NUMB: variants seen among roughly 807,000 people sequenced by gnomAD.
NUMB encodes NUMB endocytic adaptor protein.
In NUMB, 29 loss-of-function variants were observed where a neutral mutation model predicts 59.7. The ratio of observed to expected loss-of-function variants is 0.49; its 90% CI spans 0.36 to 0.66. The LOEUF is 0.66. Ranked by LOEUF, NUMB falls within the 30% of genes least tolerant of loss-of-function variation. NUMB has a pLI of 0.00. For missense variants in NUMB, 723 were observed against 822.0 expected, an observed-to-expected ratio of 0.88 and a Z score of 1.47; for synonymous variants, 288 against 288.2, an observed-to-expected ratio of 1.00 and a Z score of 0.01.
In NUMB at chr14:73,287,337, C is replaced by T. The variant is rs1243644354; in HGVS notation, c.451-23G>A. ...ACCCTGTAAGAGCAGATTTTAAAAG[C>T]TTTTCAGAATTACACTACTAACAAT... is the stretch of plus-strand genomic sequence containing the variant. On this transcript the variant is annotated intron_variant, in intron 8 of 12. Coordinates refer to ENST00000555238, the MANE Select transcript of NUMB (RefSeq NM_001005743.2). The T allele has an allele frequency of 2.5e-6, 4 of 1,578,934 alleles. No homozygotes were observed. In the African/African-American group the frequency reaches 5.4e-5, roughly 21 times the overall value.
At chr14:73,346,521 T>C (rs867059875) in intron 4 of NUMB, among the ~76,000 whole-genome samples, 27 of 152,012 alleles carry the variant, frequency 1.8e-4, no homozygotes, top group South Asian at 6.2e-4. Context: ...TACCAGCAGA[T>C]AGAATTGCAA....
At chr14:73,280,293 GTAT>G (rs1249579571) in intron 11 of NUMB, among the ~76,000 whole-genome samples, 1 of 152,036 alleles carries the variant, frequency 6.6e-6, no homozygotes, top group Non-Finnish European at 1.5e-5. Context: ...TACGAGTCTG[GTAT>G]TATCCCCCTA....
rs1566756193 is a variant in NUMB at position 73,352,499 on chromosome 14, TATATATATATATATATATATATATATATA to T, written c.126+3098_126+3126del. Among the ~76,000 whole-genome samples the T allele has an allele frequency of 4.0e-3, 47 of 11,612 alleles. 4 individuals are homozygous for T. The highest frequency in any genetic ancestry group is 4.4e-3 in the African/African-American group (8 of 1,800). The allele number at this position is 11,612 out of a possible 152,430, so 7.6% of individuals were successfully genotyped here. On this transcript the variant is annotated intron_variant, in intron 4 of 12. Coordinates refer to ENST00000555238, the MANE Select transcript of NUMB (RefSeq NM_001005743.2). The stretch of plus-strand genomic sequence containing the variant: ...ACACATATATATATATATATATATA[TATATATATATATATATATATATATATATA>T]TGTTTTTTTTTTTTTTTTTTTTTTG...
At position 73,276,695 on chromosome 14, in the gene NUMB, C is replaced by T. The variant is rs1443048294; in HGVS notation, c.1839G>A (p.Val613=). ...HTEVPTGTCP[V]DPFEAQWAAL... Reference sequence around the variant, plus strand: ...CAGCCCACTGGGCTTCAAAAGGATCCACTGGGCAGGTGCCTGTAGGAACCT... The same window carrying T: ...CAGCCCACTGGGCTTCAAAAGGATCTACTGGGCAGGTGCCTGTAGGAACCT... The change falls in exon 13 of 13, where the codon GTG becomes GTA. Residue 613 remains valine, a synonymous_variant. Coordinates refer to ENST00000555238, the MANE Select transcript of NUMB (RefSeq NM_001005743.2). 1 of 1,614,210 alleles carries T rather than the reference C, an allele frequency of 6.2e-7. No individual in the cohort carries two copies. The highest frequency in any genetic ancestry group is 1.7e-5 in the Admixed American group (1 of 60,028).
rs567631014 is a variant in NUMB at position 73,385,374 on chromosome 14, C to G, written c.-100-18393G>C. Among the ~76,000 whole-genome samples the G allele has an allele frequency of 9.5e-4, 141 of 147,668 alleles. 1 individual carries two copies. The Admixed American group carries it at 9.6e-3, about 10-fold the overall frequency. On this transcript the variant is annotated intron_variant, in intron 2 of 12. Transcript: ENST00000555238. Reference sequence around the variant, plus strand: ...TGTTGCCCAAGCTGATCTCAAACTCCTGGGCTCAAGTGATCCTCCTGCCTC... The same window carrying G: ...TGTTGCCCAAGCTGATCTCAAACTCGTGGGCTCAAGTGATCCTCCTGCCTC...
At chr14:73,326,773 A>C (rs1891684753) in intron 4 of NUMB, among the ~76,000 whole-genome samples, 1 of 152,230 alleles carries the variant, frequency 6.6e-6, no homozygotes, top group South Asian at 2.1e-4. Context: ...ACATTTACTG[A>C]TTACCTACTG....
chr14:73,450,713 T>TGATA lies in NUMB; in HGVS notation c.-233+7776_-233+7779dup, dbSNP rs533892297. 9.2e-4 allele frequency among the ~76,000 whole-genome samples: 140 copies of TGATA among 151,976 alleles called. 2 individuals carry two copies. The highest frequency in any genetic ancestry group is 3.2e-3 in the African/African-American group (134 of 41,434). On this transcript the variant is annotated intron_variant, in intron 1 of 12. Coordinates refer to ENST00000555238, the MANE Select transcript of NUMB (RefSeq NM_001005743.2). ...GGAAGGCAGGATAATCGCTTGAACC[T>TGATA]GATAGGCGGAGGTTGCAGTGAGCCG...
At chr14:73,282,027 G>C (rs1477883537) in intron 11 of NUMB, among the ~76,000 whole-genome samples, 2 of 152,196 alleles carry the variant, frequency 1.3e-5, no homozygotes, top group African/African-American at 4.8e-5. Context: ...AACCAATTCT[G>C]ATGACTACTG....
chr14:73,284,395 G>A (rs1441729960), intron 9 of NUMB, 21 bp from the exon 10 acceptor site: 3 of 1,598,452 alleles, frequency 1.9e-6, no homozygotes, highest in Non-Finnish European at 1.7e-6. Flanking sequence ...TAAAGAGAAT[G>A]AAGACCTTAG....
chr14:73,422,715 A>G (rs756833529), intron 1 of NUMB, among the ~76,000 whole-genome samples: 48 of 151,970 alleles, frequency 3.2e-4, no homozygotes, highest in Non-Finnish European at 4.7e-4. Flanking sequence ...CTTCCAAACA[A>G]CCACATCTCA....
At chr14:73,403,053 A>G (rs1414261973) in intron 2 of NUMB, among the ~76,000 whole-genome samples, 1 of 152,218 alleles carries the variant, frequency 6.6e-6, no homozygotes, top group African/African-American at 2.4e-5. Context: ...CCAAAAGACG[A>G]AAACAGCTGG....
chr14:73,350,530 C>T (rs980395625), intron 4 of NUMB, among the ~76,000 whole-genome samples: 2 of 151,630 alleles, frequency 1.3e-5, no homozygotes, highest in Non-Finnish European at 2.9e-5. Flanking sequence ...TCTCCAATTT[C>T]TATTACCTTT....
chr14:73,334,328 ATTG>A (rs1314820693), intron 4 of NUMB, among the ~76,000 whole-genome samples: 1 of 152,000 alleles, frequency 6.6e-6, no homozygotes, highest in Non-Finnish European at 1.5e-5. Flanking sequence ...GAACTGCTCT[ATTG>A]TTTTCTTTTT....
In NUMB at chr14:73,304,849, C is replaced by T. The variant is rs774369481; in HGVS notation, c.235-7564G>A. Among the ~76,000 whole-genome samples, 4 of 152,074 alleles carry T rather than the reference C, an allele frequency of 2.6e-5. No homozygotes were observed. In the South Asian group the frequency reaches 8.3e-4, roughly 32 times the overall value. ...GATCTCGGCTCATTGCAACCTCCAC[C>T]TCCTGCGTTCAAGCGATTCTCCTGC... is the stretch of plus-strand genomic sequence containing the variant. On this transcript the variant is annotated intron_variant, in intron 6 of 12. Coordinates refer to ENST00000555238, the MANE Select transcript of NUMB (RefSeq NM_001005743.2).
At chr14:73,353,748 T>G (rs979345503) in intron 4 of NUMB, among the ~76,000 whole-genome samples, 10 of 151,598 alleles carry the variant, frequency 6.6e-5, no homozygotes, top group Non-Finnish European at 1.2e-4. Context: ...TTAATAGATA[T>G]TTCCAAACTG....
At chr14:73,435,605 G>A (rs1595036682) in intron 1 of NUMB, among the ~76,000 whole-genome samples, 1 of 151,976 alleles carries the variant, frequency 6.6e-6, no homozygotes, top group Non-Finnish European at 1.5e-5. Context: ...ACACACATGT[G>A]CCCTGTGACA....
At chr14:73,377,165 T>C (rs946693642) in intron 2 of NUMB, among the ~76,000 whole-genome samples, 2 of 152,062 alleles carry the variant, frequency 1.3e-5, no homozygotes. Context: ...CTAGATGACT[T>C]TGGGTAAGGC....
intron 4 of NUMB, among the ~76,000 whole-genome samples, chr14:73,341,238 T>C (rs532260941): frequency 1.8e-4 from 27 of 152,338 alleles, no homozygotes; most frequent in African/African-American, 6.3e-4. Flanking sequence ...TAAGGCGTTT[T>C]AGTATTTTTA....
chr14:73,386,867 ATTTT>A (rs71112745), intron 2 of NUMB, among the ~76,000 whole-genome samples: 7 of 79,846 alleles, frequency 8.8e-5, no homozygotes, highest in East Asian at 5.4e-4. Flanking sequence ...CAGGTGTCTT[ATTTT>A]TTTTTTTTTT....
Sources: gnomAD v4.1 joint callset for allele counts (sites outside exome capture counted in the v4.1 genomes callset) on GRCh38, gnomAD v4.1.1 for gene constraint, MANE v1.5 for transcripts, NCBI Gene and HGNC (gene_info 2026-07-23, HGNC 2026-07-21) for gene names.